CPAMD8: variants seen among roughly 807,000 people sequenced by gnomAD.
CPAMD8 encodes the protein C3 and PZP like alpha-2-macroglobulin domain containing 8.
A neutral mutation model predicts 224.7 loss-of-function variants in CPAMD8; 146 were observed. The ratio of observed to expected loss-of-function variants is 0.65; its 90% CI spans 0.57 to 0.75. The LOEUF (loss-of-function observed/expected upper bound fraction) is 0.75, where lower values mean the gene tolerates loss of function less well. Among genes scored for constraint, CPAMD8 ranks in the 30% least tolerant of loss-of-function variants. The pLI, the probability that CPAMD8 is intolerant of heterozygous loss-of-function variation, is 0.00. For synonymous variants in CPAMD8, 966 were observed against 1,044.6 expected (o/e 0.92, Z 1.45); for missense variants, 2,301 against 2,537.5 (o/e 0.91, Z 2.00).
intron 27 of CPAMD8, among the ~76,000 whole-genome samples, chr19:16,915,403 A>T (rs2052910156): frequency 6.6e-6 from 1 of 152,114 alleles, no homozygotes; most frequent in Non-Finnish European, 1.5e-5. Context: ...GGATGGAAGG[A>T]AAAAAACGAG....
chr19:16,938,383 C>T lies in CPAMD8; in HGVS notation c.2845+12G>A, dbSNP rs367985156. 9.1e-5 allele frequency: 139 copies of T among 1,522,882 alleles called. 1 individual carries two copies. Among genetic ancestry groups the T allele is most frequent in the Non-Finnish European group, 1.1e-4 (127 of 1,131,786 alleles). The allele number at this position is 1,522,882 out of a possible 1,614,324, so 94.3% of individuals were successfully genotyped here. On this transcript the variant is annotated intron_variant, in intron 23 of 41. Coordinates refer to ENST00000443236, the MANE Select transcript of CPAMD8 (RefSeq NM_015692.5). ...TGGCCACACCTTAGCAGAATGGGCA[C>T]GGGGGACTCACCACTGGGACAGAAG... is the stretch of plus-strand genomic sequence containing the variant.
intron 30 of CPAMD8, among the ~76,000 whole-genome samples, chr19:16,905,670 C>T (rs1356259448): frequency 6.6e-6 from 1 of 151,706 alleles, no homozygotes; most frequent in African/African-American, 2.4e-5. Flanking sequence ...ACCACCACCT[C>T]CCACTCCATC....
chr19:16,901,693 C>T (rs1035152885), intron 35 of CPAMD8, among the ~76,000 whole-genome samples: 1 of 152,146 alleles, frequency 6.6e-6, no homozygotes, highest in Admixed American at 6.5e-5. Flanking sequence ...AAATCAACCC[C>T]CTAGCTCCGG....
intron 13 of CPAMD8, among the ~76,000 whole-genome samples, chr19:16,986,609 C>T (rs146768746): frequency 2.0e-5 from 3 of 152,206 alleles, no homozygotes; most frequent in Non-Finnish European, 2.9e-5. Context: ...GCAGCCTTGG[C>T]GCCACGATTC....
intron 5 of CPAMD8, 101 bp from the exon 6 acceptor site, chr19:17,009,421 T>A: frequency 1.3e-6 from 2 of 1,595,308 alleles, no homozygotes; most frequent in Non-Finnish European, 1.7e-6. Context: ...AGGCAGTCGC[T>A]GTTATGGGTT....
chr19:17,016,415 C>G (rs943685797), intron 3 of CPAMD8, among the ~76,000 whole-genome samples: 4 of 152,172 alleles, frequency 2.6e-5, no homozygotes, highest in Non-Finnish European at 5.9e-5. Flanking sequence ...TGGCCAGGGA[C>G]TGCACATCAT....
intron 5 of CPAMD8, among the ~76,000 whole-genome samples, chr19:17,010,071 G>A (rs960420834): frequency 6.6e-6 from 1 of 152,114 alleles, no homozygotes; most frequent in Admixed American, 6.6e-5. Context: ...CAAATTAAAG[G>A]AGACCAAGAG....
Position 16,977,386 on chromosome 19 carries a change from C to T in CPAMD8, c.1740G>A (p.Glu580=). The change falls in exon 15 of 42, where the codon GAG becomes GAA. Residue 580 remains glutamate, a synonymous_variant. Transcript: ENST00000443236. ...GVADSLQFAV[E]TFFENQVSVT... ...GCTCTACCTGGTTTTCGAAGAAGGTCTCGACTGCAAACTGAAGGCTGTCGG... is the reference window on the plus strand; with the variant it reads ...GCTCTACCTGGTTTTCGAAGAAGGTTTCGACTGCAAACTGAAGGCTGTCGG... 6.2e-7 allele frequency: 1 copy of T among 1,611,908 alleles called. No individual in the cohort carries two copies. Among genetic ancestry groups the T allele is most frequent in the South Asian group, 1.1e-5 (1 of 90,976 alleles).
At chr19:16,917,442 A>G (rs1261893026) in intron 27 of CPAMD8, among the ~76,000 whole-genome samples, 2 of 151,918 alleles carry the variant, frequency 1.3e-5, no homozygotes, top group Non-Finnish European at 2.9e-5. Flanking sequence ...GAAACCTAGA[A>G]CTCTTCTAAA....
chr19:16,945,541 G>A lies in CPAMD8; in HGVS notation c.2793+8C>T, dbSNP rs763456074. 1.3e-5 allele frequency: 21 copies of A among 1,613,440 alleles called. No homozygotes were observed. The African/African-American group carries it at 1.9e-4, about 14-fold the overall frequency. On this transcript the variant is annotated splice_region_variant and intron_variant, in intron 22 of 41. Transcript: ENST00000443236. ...GGCTAAGCACCAGAGATGAGGACAC[G>A]GCCTTACCTCAACCATCACACTGCG...
At chr19:17,017,861 T>A (rs566019028) in intron 3 of CPAMD8, among the ~76,000 whole-genome samples, 4 of 152,080 alleles carry the variant, frequency 2.6e-5, no homozygotes, top group African/African-American at 7.2e-5. Flanking sequence ...TGAAACCCCA[T>A]CTCTATTAAA....
At chr19:17,002,905 C>CTTTTTTTT (rs376741138) in intron 8 of CPAMD8, among the ~76,000 whole-genome samples, 4 of 133,444 alleles carry the variant, frequency 3.0e-5, no homozygotes, top group Non-Finnish European at 6.2e-5. Flanking sequence ...CTTTTCTTTT[C>CTTTTTTTT]TTTTCTTTTT....
At chr19:16,944,797 T>C (rs2122229733) in intron 22 of CPAMD8, among the ~76,000 whole-genome samples, 1 of 152,284 alleles carries the variant, frequency 6.6e-6, no homozygotes, top group South Asian at 2.1e-4. Flanking sequence ...GCCACTTGTG[T>C]TCAGGGCCAG....
rs114269244 is a variant in CPAMD8 at position 16,893,919 on chromosome 19, G to A, written c.5427-580C>T. The A allele has an allele frequency of 2.0e-3, 328 of 160,248 alleles. 2 individuals are homozygous for A. The highest frequency in any genetic ancestry group is 7.1e-3 in the African/African-American group (297 of 41,748). The allele number at this position is 160,248 out of a possible 1,614,324, so 9.9% of individuals were successfully genotyped here. A position where few individuals can be genotyped will look rare whatever the true frequency, so the allele number is the denominator to read the frequency against. ...GTCCTGGGTGCCCCAAAGGGAGGCCGGGGCTTTGTGTTTCAGAGAAACGCA... is the reference window on the plus strand; with the variant it reads ...GTCCTGGGTGCCCCAAAGGGAGGCCAGGGCTTTGTGTTTCAGAGAAACGCA... On this transcript the variant is annotated intron_variant, in intron 41 of 41. Coordinates refer to ENST00000443236, the MANE Select transcript of CPAMD8 (RefSeq NM_015692.5).
In CPAMD8 at chr19:16,980,621, C is replaced by A; in HGVS notation, c.1461G>T (p.Glu487Asp). The A allele has an allele frequency of 6.2e-7, 1 of 1,607,164 alleles. No individual in the cohort carries two copies. The highest frequency in any genetic ancestry group is 8.5e-7 in the Non-Finnish European group (1 of 1,177,362). ...GCACAATATTGCCCCGTGCAGCCACCTCGTAGTACAGGGTAAAGTTGCAGG... is the reference window on the plus strand; with the variant it reads ...GCACAATATTGCCCCGTGCAGCCACATCGTAGTACAGGGTAAAGTTGCAGG... The part of the protein sequence containing the change: ...TCPCNFTLYY[E>D]VAARGNIVLS... The change falls in exon 14 of 42, where the codon GAG becomes GAT. Residue 487 changes from glutamate to aspartate, a missense_variant. By Grantham distance (45) the Glu-to-Asp change is conservative. Transcript: ENST00000443236.
In CPAMD8 at chr19:16,977,507, A is replaced by C. The variant is rs2055324770; in HGVS notation, c.1619T>G (p.Val540Gly). 2.5e-6 allele frequency: 4 copies of C among 1,605,932 alleles called. No individual in the cohort carries two copies. The South Asian group carries it at 4.4e-5, about 18-fold the overall frequency. ...PPPAPEAEVD[V>G]CVTSLHLAVT... ...GGCCAGATGAAGAGAGGTCACACAC[A>C]CGTCGACCTCAGCTTCTGGGGCTGG... Residue 540 changes from valine (V) to glycine (G), a missense_variant, in exon 15 of 42, where the codon GTG becomes GGG. Val to Gly is a moderately radical substitution (Grantham distance 109). Coordinates refer to ENST00000443236, the MANE Select transcript of CPAMD8 (RefSeq NM_015692.5).
In CPAMD8 at chr19:17,020,353, T is replaced by C; in HGVS notation, c.245A>G (p.Asp82Gly). 6.3e-7 allele frequency: 1 copy of C among 1,581,520 alleles called. No homozygotes were observed. Among genetic ancestry groups the C allele is most frequent in the Admixed American group, 1.7e-5 (1 of 59,782 alleles). Residue 82 changes from aspartate (D) to glycine (G), a missense_variant and splice_region_variant, in exon 3 of 42, where the codon GAT becomes GGT. Asp to Gly is a moderately conservative substitution (Grantham distance 94). Around this residue, in one of 4 missense-constraint regions of CPAMD8, gnomAD observed 283 missense variants for 340.6 expected, o/e 0.83. Transcript: ENST00000443236. ...TACCTTGAGTTTGATTGTCCCTTTA[T>C]CTAAAAATGAAAATAAAATGAAAAA... ...PVVQSQGAIL[D>G]KGTIKLKVPT...
chr19:16,949,813 G>A (rs913134450), intron 20 of CPAMD8, among the ~76,000 whole-genome samples: 3 of 152,172 alleles, frequency 2.0e-5, no homozygotes, highest in African/African-American at 7.2e-5. Context: ...ATCACCTGCA[G>A]ACTCTCAGGT....
intron 22 of CPAMD8, among the ~76,000 whole-genome samples, chr19:16,943,439 T>G (rs1334328803): frequency 6.6e-6 from 1 of 152,136 alleles, no homozygotes; most frequent in Non-Finnish European, 1.5e-5. Context: ...GGTCTGGCTC[T>G]GTTTTCCAGG....
Sources: allele counts gnomAD v4.1 joint callset (sites outside exome capture counted in the v4.1 genomes callset), GRCh38; gene constraint gnomAD v4.1.1; regional missense constraint gnomAD v4.1.1; transcripts MANE v1.5; gene names NCBI Gene and HGNC (gene_info 2026-07-23, HGNC 2026-07-21).